The following FBXO9 variants were observed in gnomAD, a reference collection of about 807,000 sequenced individuals.
The protein encoded by FBXO9 is F-box only protein 9.
In FBXO9, 43 loss-of-function variants were observed where a neutral mutation model predicts 63.7. The observed-to-expected ratio is 0.67, with a 90% CI of 0.53 to 0.87. The LOEUF (loss-of-function observed/expected upper bound fraction) is 0.87, where lower values mean the gene tolerates loss of function less well. Ranked by LOEUF, FBXO9 falls within the 40% of genes least tolerant of loss-of-function variation. The pLI, the probability that FBXO9 is intolerant of heterozygous loss-of-function variation, is 0.00. For synonymous variants in FBXO9, 156 were observed against 171.7 expected, an observed-to-expected ratio of 0.91 and a Z score of 0.72; for missense variants, 442 against 533.2, an observed-to-expected ratio of 0.83 and a Z score of 1.68.
chr6:53,075,993 C>T (rs2127490260), intron 3 of FBXO9, among the ~76,000 whole-genome samples: 1 of 151,488 alleles, frequency 6.6e-6, no homozygotes, highest in East Asian at 2.0e-4. Context: ...ATCTGCCGAC[C>T]TCAGCCTCCC....
At position 53,093,803 on chromosome 6, in the gene FBXO9, C is replaced by T. The variant is rs557108080; in HGVS notation, c.960-82C>T. ...CTGATTCTTTTCAAGCAAGAGTAAA[C>T]ACTGTTGTAATTTGTTACTTCTTAG... On this transcript the variant is annotated intron_variant, in intron 10 of 12. Coordinates refer to ENST00000323557, the MANE Select transcript of FBXO9 (RefSeq NM_033480.3). The T allele has an allele frequency of 4.3e-4, 477 of 1,116,482 alleles. 2 individuals are homozygous for T. Among genetic ancestry groups the T allele is most frequent in the Non-Finnish European group, 5.8e-4 (452 of 777,600 alleles). The allele number at this position is 1,116,482 out of a possible 1,614,324, so 69.2% of individuals were successfully genotyped here. A position where few individuals can be genotyped will look rare whatever the true frequency, so the allele number is the denominator to read the frequency against.
At chr6:53,080,848 T>C (rs1413912307) in intron 5 of FBXO9, 120 bp from the exon 6 acceptor site, 2 of 1,002,570 alleles carry the variant, frequency 2.0e-6, no homozygotes, top group African/African-American at 1.6e-5. Flanking sequence ...ATGTATCACA[T>C]GTTGAATAAG....
chr6:53,090,334 G>C (rs1424675836), intron 7 of FBXO9, among the ~76,000 whole-genome samples: 2 of 151,958 alleles, frequency 1.3e-5, no homozygotes, highest in Admixed American at 6.6e-5. Flanking sequence ...TTTTGATTTT[G>C]ACAACTTTCA....
At chr6:53,069,001 C>T (rs1320544395) in intron 1 of FBXO9, among the ~76,000 whole-genome samples, 1 of 152,102 alleles carries the variant, frequency 6.6e-6, no homozygotes, top group East Asian at 1.9e-4. Context: ...CTGCTACAGC[C>T]AGGTATGGCT....
chr6:53,093,350 G>T (rs780754481), intron 9 of FBXO9, 116 bp from the exon 10 acceptor site: 3 of 600,522 alleles, frequency 5.0e-6, no homozygotes, highest in Non-Finnish European at 8.7e-6. Context: ...TCTTTAGCCC[G>T]TGGTATTTCA....
intron 7 of FBXO9, among the ~76,000 whole-genome samples, chr6:53,083,565 C>G (rs552973644): frequency 2.6e-5 from 4 of 152,298 alleles, no homozygotes; most frequent in Admixed American, 6.5e-5. Context: ...CTACAAAGAT[C>G]AGTAACAAGG....
At chr6:53,082,369 CAT>C (rs752814861) in intron 6 of FBXO9, 133 bp from the exon 7 acceptor site, 1 of 485,692 alleles carries the variant, frequency 2.1e-6, no homozygotes, top group Non-Finnish European at 3.7e-6. Context: ...TAGCTAAATA[CAT>C]TCATGCTTTA....
At position 53,081,229 on chromosome 6, in the gene FBXO9, A is replaced by G. The variant is rs191055975; in HGVS notation, c.538+131A>G. ...GAATATGGTGGAAGATCTAGTTATA[A>G]TTATCATTTGCATATACTATTAAGC... On this transcript the variant is annotated intron_variant, in intron 6 of 12. Coordinates refer to ENST00000323557, the MANE Select transcript of FBXO9 (RefSeq NM_033480.3). 86 of 894,972 alleles carry G rather than the reference A, an allele frequency of 9.6e-5. No individual in the cohort carries two copies. The East Asian group carries it at 1.9e-3, about 20-fold the overall frequency. 55.4% of individuals were successfully genotyped at this position (894,972 alleles called of 1,614,324 possible).
chr6:53,100,047 A>G lies in FBXO9; in HGVS notation c.*2217A>G, dbSNP rs1254318924. On this transcript the variant is annotated 3_prime_UTR_variant, in exon 13 of 13. Transcript: ENST00000323557. ...TTAAAGATTTCTTTGTAAGCAGTAA[A>G]GTGACTTTCACTTATTTAACTTAGA... is the stretch of plus-strand genomic sequence containing the variant. 3 of 152,192 alleles carry G rather than the reference A, an allele frequency of 2.0e-5. No homozygotes were observed. Among genetic ancestry groups the G allele is most frequent in the Non-Finnish European group, 2.9e-5 (2 of 68,030 alleles). The allele number at this position is 152,192 out of a possible 1,614,324, so 9.4% of individuals were successfully genotyped here.
At chr6:53,097,486 A>G (rs1020157458) in intron 12 of FBXO9, among the ~76,000 whole-genome samples, 5 of 152,206 alleles carry the variant, frequency 3.3e-5, no homozygotes, top group African/African-American at 1.2e-4. Flanking sequence ...TTTGATCTCA[A>G]GAAACACTAG....
chr6:53,093,777 G>C (rs1763118749), intron 10 of FBXO9, 108 bp from the exon 11 acceptor site: 1 of 965,542 alleles, frequency 1.0e-6, no homozygotes, highest in Non-Finnish European at 1.5e-6. Flanking sequence ...CTCAATCCTA[G>C]CTGATTCTTT....
At chr6:53,073,310 A>T (rs575850586) in intron 2 of FBXO9, among the ~76,000 whole-genome samples, 171 bp from the exon 3 acceptor site, 16 of 152,232 alleles carry the variant, frequency 1.1e-4, no homozygotes, top group Non-Finnish European at 1.8e-4. Context: ...GCAGAAAATT[A>T]TTTTAAAAGA....
chr6:53,075,582 G>A (rs1267283618), intron 3 of FBXO9, among the ~76,000 whole-genome samples: 1 of 150,704 alleles, frequency 6.6e-6, no homozygotes, highest in Non-Finnish European at 1.5e-5. Context: ...TAGGTATGTA[G>A]TGGTATCTCA....
In FBXO9 at chr6:53,092,738, G is replaced by A. The variant is rs375392136; in HGVS notation, c.777G>A (p.Val259=). 5.6e-6 allele frequency: 9 copies of A among 1,605,684 alleles called. No individual in the cohort carries two copies. Among genetic ancestry groups the A allele is most frequent in the Non-Finnish European group, 7.7e-6 (9 of 1,174,128 alleles). ...TTTTTAAAATTATTTTCATAGGCGT[G>A]TATATCAGTAAAACCACATATATTC... ...LERPRVRFDG[V]YISKTTYIRQ... The change falls in exon 9 of 13, where the codon GTG becomes GTA. Residue 259 remains valine (V), a synonymous_variant. Coordinates refer to ENST00000323557, the MANE Select transcript of FBXO9 (RefSeq NM_033480.3).
intron 12 of FBXO9, 90 bp from the exon 13 acceptor site, chr6:53,097,631 TA>T: frequency 1.5e-6 from 1 of 664,358 alleles, no homozygotes; most frequent in Non-Finnish European, 2.4e-6. Context: ...TAAAAAAGGC[TA>T]AAGCATAGAA....
chr6:53,100,168 G>A lies in FBXO9; in HGVS notation c.*2338G>A, dbSNP rs187528225. 9.3e-4 allele frequency: 142 copies of A among 152,252 alleles called. 2 individuals carry two copies. Among genetic ancestry groups the A allele is most frequent in the Non-Finnish European group, 6.0e-4 (41 of 68,010 alleles). The allele number at this position is 152,252 out of a possible 1,614,324, so 9.4% of individuals were successfully genotyped here. ...TGTTGTGAGAAAATTAGAATATACA[G>A]ATAAAATAAAATTTAAAAAAACACC... On this transcript the variant is annotated 3_prime_UTR_variant, in exon 13 of 13. Transcript: ENST00000323557.
intron 7 of FBXO9, chr6:53,090,883 T>A (rs1554186014): frequency 6.6e-6 from 1 of 152,068 alleles, no homozygotes; most frequent in Non-Finnish European, 1.5e-5. Flanking sequence ...CCTAGTTAAT[T>A]AAAAAAAATT....
Position 53,076,551 on chromosome 6 carries a change from T to A in FBXO9, c.307+8T>A, listed in dbSNP as rs1208693755. On this transcript the variant is annotated splice_region_variant and intron_variant, in intron 4 of 12. Transcript: ENST00000323557. ...ATGGAGCTCTCTATGAAGGTAAAAATTCAGAGCCCAGGTTCATATCATAAC... is the reference window on the plus strand; with the variant it reads ...ATGGAGCTCTCTATGAAGGTAAAAAATCAGAGCCCAGGTTCATATCATAAC... The A allele has an allele frequency of 6.5e-7, 1 of 1,527,014 alleles. No homozygotes were observed. Among genetic ancestry groups the A allele is most frequent in the African/African-American group, 1.4e-5 (1 of 69,542 alleles). The allele number at this position is 1,527,014 out of a possible 1,614,324, so 94.6% of individuals were successfully genotyped here. A position where few individuals can be genotyped will look rare whatever the true frequency, so the allele number is the denominator to read the frequency against.
At chr6:53,097,684 T>C (rs368150488) in intron 12 of FBXO9, 38 bp from the exon 13 acceptor site, 113 of 1,228,528 alleles carry the variant, frequency 9.2e-5, no homozygotes, top group Non-Finnish European at 1.3e-4. Context: ...TGAATTGAAA[T>C]TTCCTCATAC....
Sources: gnomAD v4.1 joint callset for allele counts (sites outside exome capture counted in the v4.1 genomes callset) on GRCh38, gnomAD v4.1.1 for gene constraint, MANE v1.5 for transcripts, NCBI Gene and HGNC (gene_info 2026-07-23, HGNC 2026-07-21) for gene names.